Variants in CNTN5 observed in about 807,000 individuals in gnomAD.
CNTN5 encodes the protein contactin-5.
Under a neutral mutation model 129.1 loss-of-function variants are expected in CNTN5, and 77 were observed. The observed-to-expected ratio is 0.60, with a 90% CI of 0.50 to 0.72. The LOEUF (loss-of-function observed/expected upper bound fraction) is 0.72, where lower values mean the gene tolerates loss of function less well. Ranked by LOEUF, CNTN5 falls within the 30% of genes least tolerant of loss-of-function variation. CNTN5 has a pLI of 0.00. For missense variants in CNTN5, 1,478 were observed against 1,328.8 expected (o/e 1.11, Z -1.75); for synonymous variants, 509 against 465.6 (o/e 1.09, Z -1.20).
chr11:99,131,077 A>G (rs1203332102), intron 1 of CNTN5, among the ~76,000 whole-genome samples: 52 of 146,850 alleles, frequency 3.5e-4, no homozygotes, highest in Non-Finnish European at 2.2e-4. Flanking sequence ...CCTGGCTAAC[A>G]TGGTGAAACC....
chr11:99,770,564 CAT>C (rs1944909639), intron 3 of CNTN5, among the ~76,000 whole-genome samples: 1 of 151,978 alleles, frequency 6.6e-6, no homozygotes, highest in African/African-American at 2.4e-5. Context: ...GTCAATATCT[CAT>C]AGTTTTTTCA....
At chr11:99,101,504 C>T (rs1016644164) in intron 1 of CNTN5, among the ~76,000 whole-genome samples, 1 of 152,132 alleles carries the variant, frequency 6.6e-6, no homozygotes, top group Non-Finnish European at 1.5e-5. Context: ...TAGTTACTTC[C>T]TAGAAACAAT....
At chr11:100,067,490 T>G (rs1259664338) in intron 10 of CNTN5, among the ~76,000 whole-genome samples, 4 of 147,502 alleles carry the variant, frequency 2.7e-5, no homozygotes, top group South Asian at 2.2e-4. Context: ...TTTTTTTTTT[T>G]GCTATTATGC....
At chr11:100,183,722 T>C (rs927080446) in intron 13 of CNTN5, among the ~76,000 whole-genome samples, 3 of 152,134 alleles carry the variant, frequency 2.0e-5, no homozygotes, top group Admixed American at 2.0e-4. Context: ...ACTACAGACA[T>C]ACAGGAAAAC....
intron 6 of CNTN5, among the ~76,000 whole-genome samples, chr11:99,915,409 T>C (rs956966210): frequency 2.0e-5 from 3 of 152,096 alleles, no homozygotes; most frequent in Admixed American, 2.0e-4. Context: ...ATAATCCCTT[T>C]TACATAGAAG....
intron 9 of CNTN5, among the ~76,000 whole-genome samples, chr11:100,010,050 C>G (rs1261438450): frequency 6.6e-6 from 1 of 152,128 alleles, no homozygotes; most frequent in Non-Finnish European, 1.5e-5. Context: ...GGCTTTTAAA[C>G]ATCAGGTACA....
At chr11:100,255,682 T>C in intron 16 of CNTN5, 78 bp from the exon 17 acceptor site, 1 of 1,270,964 alleles carries the variant, frequency 7.9e-7, no homozygotes. Flanking sequence ...TTGGATGTGC[T>C]ACATATTGGA....
At chr11:99,223,244 C>G (rs990777421) in intron 1 of CNTN5, among the ~76,000 whole-genome samples, 10 of 152,142 alleles carry the variant, frequency 6.6e-5, no homozygotes, top group African/African-American at 2.4e-4. Flanking sequence ...GATTCTTCTT[C>G]ACAGCTATTA....
chr11:100,026,264 G>A (rs1465821421), intron 9 of CNTN5, among the ~76,000 whole-genome samples: 2 of 151,542 alleles, frequency 1.3e-5, no homozygotes, highest in African/African-American at 2.4e-5. Context: ...TGAAGAAGAT[G>A]CCTTGCTTCT....
chr11:100,203,799 TACACACACACACACAC>T (rs59141425), intron 15 of CNTN5, among the ~76,000 whole-genome samples: 7 of 139,100 alleles, frequency 5.0e-5, no homozygotes, highest in Non-Finnish European at 1.1e-4. Context: ...AATGTGCACG[TACACACACACACACAC>T]ACACACACAC....
chr11:99,245,460 A>T (rs565589070), intron 1 of CNTN5, among the ~76,000 whole-genome samples: 2 of 152,240 alleles, frequency 1.3e-5, no homozygotes, highest in East Asian at 3.9e-4. Context: ...CAGGGATTAC[A>T]AGCACTGCCT....
chr11:99,083,711 A>C (rs1381866047), intron 1 of CNTN5, among the ~76,000 whole-genome samples: 1 of 152,218 alleles, frequency 6.6e-6, no homozygotes, highest in Non-Finnish European at 1.5e-5. Context: ...CAACATTTTT[A>C]GTGGAGAAAA....
At chr11:99,786,409 G>A (rs1287227928) in intron 3 of CNTN5, among the ~76,000 whole-genome samples, 5 of 151,516 alleles carry the variant, frequency 3.3e-5, no homozygotes, top group African/African-American at 9.7e-5. Flanking sequence ...AATCAATATC[G>A]CAAAAATGGC....
intron 9 of CNTN5, among the ~76,000 whole-genome samples, chr11:100,043,055 C>T (rs1160126120): frequency 3.3e-5 from 5 of 152,160 alleles, no homozygotes; most frequent in African/African-American, 1.2e-4. Flanking sequence ...AATAACTCTA[C>T]TCTCAGGTTA....
intron 2 of CNTN5, among the ~76,000 whole-genome samples, chr11:99,365,530 T>C (rs1031677700): frequency 1.4e-4 from 22 of 152,198 alleles, no homozygotes; most frequent in African/African-American, 5.3e-4. Flanking sequence ...GCTGGGAATA[T>C]GCTGAATGAT....
rs143537667 is a variant in CNTN5 at position 100,003,676 on chromosome 11, T to A, written c.980+1540T>A. The A allele has an allele frequency of 7.6e-4, 116 of 152,316 alleles. No individual in the cohort carries two copies. In the East Asian group the frequency reaches 0.013, roughly 17 times the overall value. 9.4% of individuals were successfully genotyped at this position (152,316 alleles called of 1,614,324 possible). ...AAGCCTTGAAATATGTTTAGTAAAT[T>A]GAGGCTTACAGTCTCTTTCATTCTA... On this transcript the variant is annotated intron_variant, in intron 9 of 24. Transcript: ENST00000524871.
At chr11:99,524,764 C>G (rs553717861) in intron 2 of CNTN5, among the ~76,000 whole-genome samples, 2 of 151,886 alleles carry the variant, frequency 1.3e-5, no homozygotes, top group African/African-American at 4.8e-5. Context: ...GATCATGCCA[C>G]TGCACTCCAG....
intron 3 of CNTN5, among the ~76,000 whole-genome samples, chr11:99,777,006 T>G (rs566948998): frequency 1.3e-5 from 2 of 151,906 alleles, no homozygotes; most frequent in Non-Finnish European, 2.9e-5. Context: ...CAAAATGTTA[T>G]ATTGAGTTTT....
intron 6 of CNTN5, among the ~76,000 whole-genome samples, chr11:99,912,644 A>C (rs1949691279): frequency 1.0e-5 from 1 of 95,722 alleles, no homozygotes; most frequent in Admixed American, 1.1e-4. Context: ...TGTTTTTCAT[A>C]GTTTTTTTTT....
Sources: allele counts gnomAD v4.1 joint callset (sites outside exome capture counted in the v4.1 genomes callset), GRCh38; gene constraint gnomAD v4.1.1; transcripts MANE v1.5; gene names NCBI Gene and HGNC (gene_info 2026-07-23, HGNC 2026-07-21).